ZNF195: variants seen among roughly 807,000 people sequenced by gnomAD.
ZNF195 encodes hypoxia-regulated factor-1.
In ZNF195, 11 loss-of-function variants were observed where a neutral mutation model predicts 19.5. The ratio of observed to expected loss-of-function variants is 0.57; its 90% confidence interval spans 0.36 to 0.94. The LOEUF (loss-of-function observed/expected upper bound fraction) is 0.94. Among genes scored for constraint, ZNF195 ranks in the 40% least tolerant of loss-of-function variants. ZNF195 has a pLI of 0.01. For synonymous variants in ZNF195, 214 were observed against 248.1 expected (o/e 0.86, Z 1.29); for missense variants, 582 against 709.0 (o/e 0.82, Z 2.03).
At chr11:3,362,678 GAGAA>G in intron 3 of ZNF195, 1 of 432,616 alleles carries the variant, frequency 2.3e-6, no homozygotes. Flanking sequence ...AAAGGAAAGA[GAGAA>G]AGAAAAAGCT....
intron 1 of ZNF195, among the ~76,000 whole-genome samples, chr11:3,375,092 T>A (rs1246878911): frequency 6.6e-6 from 1 of 152,220 alleles, no homozygotes; most frequent in Admixed American, 6.5e-5. Flanking sequence ...CCCAAAACTC[T>A]GATTTAATTC....
chr11:3,371,370 G>C (rs1199467687), intron 2 of ZNF195, among the ~76,000 whole-genome samples: 1 of 151,070 alleles, frequency 6.6e-6, no homozygotes, highest in Non-Finnish European at 1.5e-5. Context: ...ATACAGATCA[G>C]CTGAAAAAAA....
intron 3 of ZNF195, among the ~76,000 whole-genome samples, chr11:3,365,551 T>C (rs898121161): frequency 1.3e-5 from 2 of 152,248 alleles, no homozygotes; most frequent in African/African-American, 4.8e-5. Flanking sequence ...TTTTTAAAGA[T>C]GTCAATACTG....
intron 1 of ZNF195, chr11:3,377,520 C>T: frequency 1.0e-6 from 1 of 961,706 alleles, no homozygotes; most frequent in Non-Finnish European, 1.3e-6. Context: ...CGGTCTTTTC[C>T]CTCTGACAGG....
At position 3,368,858 on chromosome 11, in the gene ZNF195, G is replaced by C. The variant is rs187916332; in HGVS notation, c.226+2117C>G. On this transcript the variant is annotated intron_variant, in intron 3 of 5. Coordinates refer to ENST00000399602, the MANE Select transcript of ZNF195 (RefSeq NM_001130520.3). ...TATAGTCTCTTCAACACTTGGTCCT[G>C]GAGAAACAGAATACCCGCAATCAAA... 769 of 455,348 alleles carry C rather than the reference G, an allele frequency of 1.7e-3. 5 individuals are homozygous for C. The highest frequency in any genetic ancestry group is 0.013 in the African/African-American group (650 of 50,140). The allele number at this position is 455,348 out of a possible 1,614,324, so 28.2% of individuals were successfully genotyped here.
intron 5 of ZNF195, 70 bp downstream of exon 5, chr11:3,360,650 A>G (rs4436526): frequency 6.4e-7 from 1 of 1,558,440 alleles, no homozygotes; most frequent in Non-Finnish European, 8.7e-7. Context: ...AATACTGGGT[A>G]CATTAGCAAA....
At chr11:3,378,540 C>G (rs970891032) in intron 1 of ZNF195, among the ~76,000 whole-genome samples, 1 of 152,194 alleles carries the variant, frequency 6.6e-6, no homozygotes, top group Non-Finnish European at 1.5e-5. Flanking sequence ...CTGTACCGAA[C>G]TAATGAATGA....
At chr11:3,378,997 G>A (rs781744852) in intron 1 of ZNF195, 41 bp downstream of exon 1, 5 of 1,390,760 alleles carry the variant, frequency 3.6e-6, no homozygotes, top group Admixed American at 2.7e-5. Flanking sequence ...GTTCCAGTCC[G>A]CCCCTCCCTG....
Position 3,371,687 on chromosome 11 carries a change from C to G in ZNF195, c.20G>C (p.Arg7Thr), listed in dbSNP as rs1564925460. The G allele has an allele frequency of 3.1e-6, 5 of 1,607,400 alleles. No individual in the cohort carries two copies. The highest frequency in any genetic ancestry group is 1.3e-5 in the African/African-American group (1 of 74,568). MTLLTF[R>T]DVAIEFSLEE... ...CAGGGAGAATTCTATGGCCACATCC[C>G]TGAACGTCAACAGAGTCTGAAGAAG... Residue 7 changes from arginine to threonine, a missense_variant, in exon 2 of 6, where the codon AGG becomes ACG. This residue lies in a region of ZNF195 where 46 missense variants were observed against 66.5 expected (regional missense o/e 0.69). Transcript: ENST00000399602.
chr11:3,360,670 A>G, intron 5 of ZNF195, 50 bp downstream of exon 5: 1 of 1,548,102 alleles, frequency 6.5e-7, no homozygotes, highest in African/African-American at 1.4e-5. Flanking sequence ...AATGGCATAA[A>G]AAATACCACA....
intron 1 of ZNF195, among the ~76,000 whole-genome samples, chr11:3,374,110 C>CT (rs1564928020): frequency 6.6e-6 from 1 of 152,154 alleles, no homozygotes; most frequent in Non-Finnish European, 1.5e-5. Flanking sequence ...AGGTGAGGGC[C>CT]TTTTTTTGAG....
intron 1 of ZNF195, among the ~76,000 whole-genome samples, chr11:3,378,442 G>A (rs193244950): frequency 6.6e-6 from 1 of 152,118 alleles, no homozygotes; most frequent in African/African-American, 2.4e-5. Flanking sequence ...CAAAATTCAG[G>A]CTTCGTCAAC....
chr11:3,361,021 G>A (rs1415822572), intron 4 of ZNF195, among the ~76,000 whole-genome samples: 3 of 152,224 alleles, frequency 2.0e-5, no homozygotes, highest in Non-Finnish European at 4.4e-5. Context: ...GTGGTACTCT[G>A]AGTGACAGGC....
At chr11:3,377,934 AC>A in intron 1 of ZNF195, 2 of 983,262 alleles carry the variant, frequency 2.0e-6, no homozygotes, top group South Asian at 9.4e-5. Context: ...AGGCACAAAG[AC>A]TTTTTACAAT....
chr11:3,361,692 A>G, intron 4 of ZNF195, 51 bp downstream of exon 4: 1 of 1,292,118 alleles, frequency 7.7e-7, no homozygotes, highest in Non-Finnish European at 1.0e-6. Context: ...AGGAGAAAAG[A>G]ATCCTGAAAG....
chr11:3,362,489 T>A (rs1412859477), intron 3 of ZNF195: 1 of 432,654 alleles, frequency 2.3e-6, no homozygotes, highest in East Asian at 3.3e-5. Context: ...AGGGCAGATT[T>A]AATAAGAAAG....
chr11:3,365,412 C>G (rs1346693780), intron 3 of ZNF195, among the ~76,000 whole-genome samples: 2 of 152,172 alleles, frequency 1.3e-5, no homozygotes, highest in African/African-American at 4.8e-5. Context: ...AGTCTCATGA[C>G]ATGTTTTCTA....
chr11:3,379,132 GC>G lies in ZNF195; in HGVS notation c.-93del. On this transcript the variant is annotated 5_prime_UTR_variant, in exon 1 of 6. Coordinates refer to ENST00000399602, the MANE Select transcript of ZNF195 (RefSeq NM_001130520.3). ...TACGGCTAGCAGGGGACACAGAGCC[GC>G]GGGGACAGGAAGTGGAGCTCTGTCG... is the stretch of plus-strand genomic sequence containing the variant. The G allele has an allele frequency of 1.4e-6, 2 of 1,388,324 alleles. No individual in the cohort carries two copies. Among genetic ancestry groups the G allele is most frequent in the Non-Finnish European group, 9.5e-7 (1 of 1,057,568 alleles). The allele number at this position is 1,388,324 out of a possible 1,614,324, so 86.0% of individuals were successfully genotyped here. A position where few individuals can be genotyped will look rare whatever the true frequency, so the allele number is the denominator to read the frequency against.
intron 3 of ZNF195, among the ~76,000 whole-genome samples, chr11:3,368,377 G>A (rs1849011054): frequency 6.6e-6 from 1 of 152,172 alleles, no homozygotes. Flanking sequence ...GGACCTCGGG[G>A]TGAGAGGCTC....
Sources: gnomAD v4.1 joint callset for allele counts (sites outside exome capture counted in the v4.1 genomes callset) on GRCh38, gnomAD v4.1.1 for gene constraint, gnomAD v4.1.1 regional missense constraint, MANE v1.5 for transcripts, NCBI Gene and HGNC (gene_info 2026-07-23, HGNC 2026-07-21) for gene names.